CTNNAL1: variants seen among roughly 807,000 people sequenced by gnomAD.
CTNNAL1 encodes catenin alpha like 1.
In CTNNAL1, 69 loss-of-function variants were observed where a neutral mutation model predicts 93.6. That is an observed-to-expected ratio of 0.74 (90% confidence interval 0.61 to 0.90). CTNNAL1 has a LOEUF of 0.90. CTNNAL1 is among the 40% of genes least tolerant of loss of function. The pLI is 0.00. For synonymous variants in CTNNAL1, 286 were observed against 305.4 expected (o/e 0.94, Z 0.66); for missense variants, 836 against 862.0 (o/e 0.97, Z 0.38).
chr9:108,946,231 G>A (rs925985582), intron 15 of CTNNAL1, among the ~76,000 whole-genome samples: 3 of 151,678 alleles, frequency 2.0e-5, no homozygotes, highest in South Asian at 2.1e-4. Flanking sequence ...CCCGGGAGGC[G>A]GAGGCTGTAG....
chr9:108,985,548 T>A (rs573690551), intron 4 of CTNNAL1, among the ~76,000 whole-genome samples: 2 of 152,186 alleles, frequency 1.3e-5, no homozygotes, highest in African/African-American at 4.8e-5. Context: ...TGCATCCCAA[T>A]ATAGATTTAA....
chr9:109,010,736 CA>C, intron 1 of CTNNAL1, among the ~76,000 whole-genome samples: 1 of 152,270 alleles, frequency 6.6e-6, no homozygotes, highest in East Asian at 1.9e-4. Context: ...GCCAGTAACC[CA>C]GGACTTTTCA....
chr9:108,943,448 A>C (rs968225942), intron 17 of CTNNAL1, among the ~76,000 whole-genome samples: 1 of 152,176 alleles, frequency 6.6e-6, no homozygotes, highest in African/African-American at 2.4e-5. Context: ...CTAGTTGCAG[A>C]GGTAATGACT....
chr9:108,990,861 T>A lies in CTNNAL1; in HGVS notation c.520-16A>T, dbSNP rs777303249. On this transcript the variant is annotated splice_polypyrimidine_tract_variant and intron_variant, in intron 3 of 18. Coordinates refer to ENST00000325551, the MANE Select transcript of CTNNAL1 (RefSeq NM_003798.4). ...TTGCGAGAACCTGCAAAACAGATAA[T>A]AATTCATTATTTGGTGAGAGCTACT... The A allele has an allele frequency of 1.2e-6, 2 of 1,606,788 alleles. No homozygotes were observed. Among genetic ancestry groups the A allele is most frequent in the African/African-American group, 2.7e-5 (2 of 74,638 alleles).
In CTNNAL1 at chr9:108,964,955, C is replaced by T. The variant is rs552943256; in HGVS notation, c.1591+423G>A. On this transcript the variant is annotated intron_variant, in intron 11 of 18. Coordinates refer to ENST00000325551, the MANE Select transcript of CTNNAL1 (RefSeq NM_003798.4). Reference sequence around the variant, plus strand: ...TCAGCTCACTGCAACCTCCGCCTCCCGGGTTCAAGTGATTCTCGTGCCTCA... The same window carrying T: ...TCAGCTCACTGCAACCTCCGCCTCCTGGGTTCAAGTGATTCTCGTGCCTCA... Among the ~76,000 whole-genome samples, 116 of 152,144 alleles carry T rather than the reference C, an allele frequency of 7.6e-4. 3 individuals carry two copies. The South Asian group carries it at 0.021, about 27-fold the overall frequency.
chr9:108,992,761 C>T lies in CTNNAL1; in HGVS notation c.390G>A (p.Gly130=). 6.2e-7 allele frequency: 1 copy of T among 1,613,840 alleles called. No homozygotes were observed. The highest frequency in any genetic ancestry group is 1.3e-5 in the African/African-American group (1 of 75,014). ...ITNLNHLESD[G]QITIFTDKTG... ...TTTTGTCTGTAAAAATTGTGATCTG[C>T]CCATCAGATTCCAGATGGTTCAAGT... Residue 130 remains glycine (G), a synonymous_variant, in exon 3 of 19, where the codon GGG becomes GGA. Coordinates refer to ENST00000325551, the MANE Select transcript of CTNNAL1 (RefSeq NM_003798.4).
intron 1 of CTNNAL1, among the ~76,000 whole-genome samples, chr9:109,004,334 C>A (rs1826947770): frequency 6.6e-6 from 1 of 152,106 alleles, no homozygotes; most frequent in South Asian, 2.1e-4. Context: ...CTCATTTCCC[C>A]AAATTGGAAA....
chr9:108,990,122 CAG>C (rs1417352878), intron 4 of CTNNAL1, among the ~76,000 whole-genome samples: 1 of 152,134 alleles, frequency 6.6e-6, no homozygotes, highest in Non-Finnish European at 1.5e-5. Context: ...ACTTTAGAAT[CAG>C]ATATAACTGA....
intron 1 of CTNNAL1, among the ~76,000 whole-genome samples, chr9:109,000,735 C>G (rs962079056): frequency 6.6e-6 from 1 of 150,598 alleles, no homozygotes; most frequent in Non-Finnish European, 1.5e-5. Context: ...AGGAATGAGC[C>G]TCTCCTGTTC....
intron 11 of CTNNAL1, among the ~76,000 whole-genome samples, chr9:108,962,521 G>A (rs952202375): frequency 6.6e-6 from 1 of 152,140 alleles, no homozygotes; most frequent in Non-Finnish European, 1.5e-5. Flanking sequence ...CATTGGAGAA[G>A]GGATGAGCTT....
chr9:108,982,717 T>C (rs186641755), intron 6 of CTNNAL1, among the ~76,000 whole-genome samples: 14 of 152,346 alleles, frequency 9.2e-5, no homozygotes, highest in Admixed American at 2.6e-4. Context: ...ACATTTGCTT[T>C]TGTGAAGCAC....
At chr9:108,962,913 C>T (rs1002603068) in intron 11 of CTNNAL1, among the ~76,000 whole-genome samples, 3 of 152,102 alleles carry the variant, frequency 2.0e-5, no homozygotes, top group Non-Finnish European at 2.9e-5. Context: ...ATAGCAGAGG[C>T]AGGATTGGAA....
chr9:109,005,300 C>T (rs796656724), intron 1 of CTNNAL1, among the ~76,000 whole-genome samples: 11 of 152,156 alleles, frequency 7.2e-5, no homozygotes, highest in African/African-American at 2.4e-4. Flanking sequence ...TTGACTATTC[C>T]AAGCTACCAT....
intron 1 of CTNNAL1, among the ~76,000 whole-genome samples, chr9:109,001,127 G>A (rs547717893): frequency 7.4e-6 from 1 of 134,630 alleles, no homozygotes; most frequent in South Asian, 2.3e-4. Context: ...AGCCGAGATT[G>A]CACCACTGCA....
chr9:108,948,290 CTT>C (rs1361527331), intron 14 of CTNNAL1, 56 bp from the exon 15 acceptor site: 7 of 1,525,224 alleles, frequency 4.6e-6, no homozygotes, highest in Non-Finnish European at 6.2e-6. Flanking sequence ...TGAAAATTGA[CTT>C]TATAATATTA....
chr9:109,009,551 G>T (rs1449645245), intron 1 of CTNNAL1, among the ~76,000 whole-genome samples: 1 of 151,932 alleles, frequency 6.6e-6, no homozygotes, highest in African/African-American at 2.4e-5. Context: ...TGTATCACAG[G>T]TCTATGTTTT....
intron 14 of CTNNAL1, among the ~76,000 whole-genome samples, chr9:108,950,175 A>G (rs1830519245): frequency 6.6e-6 from 1 of 152,214 alleles, no homozygotes; most frequent in African/African-American, 2.4e-5. Flanking sequence ...TCACCATGGA[A>G]ATAACTAGCT....
intron 9 of CTNNAL1, among the ~76,000 whole-genome samples, 156 bp from the exon 10 acceptor site, chr9:108,970,650 T>C (rs953868975): frequency 8.5e-5 from 13 of 152,324 alleles, no homozygotes; most frequent in Admixed American, 4.6e-4. Flanking sequence ...TATAATATTA[T>C]ATTGGTCACC....
Position 108,965,410 on chromosome 9 carries a change from C to T in CTNNAL1, c.1559G>A (p.Arg520Lys), listed in dbSNP as rs1300993556. 4 of 1,564,846 alleles carry T rather than the reference C, an allele frequency of 2.6e-6. No individual in the cohort carries two copies. The highest frequency in any genetic ancestry group is 4.7e-5 in the East Asian group (2 of 42,368). ...SQISDMSTLL[R>K]EINDVFEGRR... ...TCCTTCAAACACGTCATTGATTTCTCTCAGCAGTGTTGACATGTCACTAAT... is the reference window on the plus strand; with the variant it reads ...TCCTTCAAACACGTCATTGATTTCTTTCAGCAGTGTTGACATGTCACTAAT... The change falls in exon 11 of 19, where the codon AGA becomes AAA. Residue 520 changes from arginine (R) to lysine (K), a missense_variant. By Grantham distance (26) the Arg-to-Lys change is conservative. Coordinates refer to ENST00000325551, the MANE Select transcript of CTNNAL1 (RefSeq NM_003798.4).
Sources: gnomAD v4.1 joint callset for allele counts (sites outside exome capture counted in the v4.1 genomes callset) on GRCh38, gnomAD v4.1.1 for gene constraint, MANE v1.5 for transcripts, NCBI Gene and HGNC (gene_info 2026-07-23, HGNC 2026-07-21) for gene names.